The following CACNA2D1 variants were observed in gnomAD, a reference collection of about 807,000 sequenced individuals.
CACNA2D1 encodes the protein voltage-dependent calcium channel subunit alpha-2/delta-1.
A neutral mutation model predicts 171.5 loss-of-function variants in CACNA2D1; 53 were observed. The observed-to-expected ratio is 0.31, with a 90% CI of 0.25 to 0.39. CACNA2D1 has a LOEUF of 0.39. Ranked by LOEUF, CACNA2D1 falls within the 10% of genes least tolerant of loss-of-function variation. The probability of loss-of-function intolerance (pLI) is 1.00; values close to 1 mark genes in which losing one functional copy is unlikely to be tolerated. For synonymous variants in CACNA2D1, 442 were observed against 443.1 expected, an observed-to-expected ratio of 1.00 and a Z score of 0.03; for missense variants, 903 against 1,299.8, an observed-to-expected ratio of 0.69 and a Z score of 4.69.
intron 3 of CACNA2D1, among the ~76,000 whole-genome samples, chr7:82,205,821 TGA>T (rs1799951140): frequency 2.6e-5 from 4 of 152,306 alleles, no homozygotes; most frequent in Admixed American, 1.3e-4. Flanking sequence ...TGATACACTC[TGA>T]AATAATTCCC....
intron 3 of CACNA2D1, among the ~76,000 whole-genome samples, chr7:82,294,105 T>C (rs531874888): frequency 6.6e-6 from 1 of 152,298 alleles, no homozygotes; most frequent in Non-Finnish European, 1.5e-5. Flanking sequence ...TAAAGATAGA[T>C]ATGCTTGTTC....
chr7:81,964,128 G>C lies in CACNA2D1; in HGVS notation c.2728-20C>G. The C allele has an allele frequency of 6.2e-7, 1 of 1,611,462 alleles. No individual in the cohort carries two copies. Among genetic ancestry groups the C allele is most frequent in the Non-Finnish European group, 8.5e-7 (1 of 1,178,222 alleles). ...TGATGGCTATAAAATAAAATAATAA[G>C]GTCATTTCAGTAGTCTACTTGATAC... On this transcript the variant is annotated intron_variant, in intron 33 of 38. Transcript: ENST00000356860.
At chr7:82,405,326 T>C (rs779309228) in intron 1 of CACNA2D1, among the ~76,000 whole-genome samples, 13 of 152,212 alleles carry the variant, frequency 8.5e-5, no homozygotes, top group Non-Finnish European at 1.6e-4. Context: ...GGTCTTTTAC[T>C]AATAAAAGGA....
At chr7:82,191,294 A>G (rs149920289) in intron 3 of CACNA2D1, among the ~76,000 whole-genome samples, 171 of 151,942 alleles carry the variant, frequency 1.1e-3, no homozygotes, top group African/African-American at 3.9e-3. Context: ...TAATTCTAGC[A>G]TGCTTACTTA....
In CACNA2D1 at chr7:82,033,007, A is replaced by T. The variant is rs189565990; in HGVS notation, c.1039-106T>A. Reference sequence around the variant, plus strand: ...GAGCAGGTTGCAAGTAATTAATGAAATATCTGCTCACAAAATATATTCTAA... The same window carrying T: ...GAGCAGGTTGCAAGTAATTAATGAATTATCTGCTCACAAAATATATTCTAA... On this transcript the variant is annotated intron_variant, in intron 11 of 38. Coordinates refer to ENST00000356860, the MANE Select transcript of CACNA2D1 (RefSeq NM_000722.4). 9.2e-5 allele frequency: 64 copies of T among 696,918 alleles called. 1 individual carries two copies. Among genetic ancestry groups the T allele is most frequent in the Admixed American group, 4.0e-4 (20 of 49,694 alleles). The allele number at this position is 696,918 out of a possible 1,614,324, so 43.2% of individuals were successfully genotyped here. A position where few individuals can be genotyped will look rare whatever the true frequency, so the allele number is the denominator to read the frequency against.
chr7:82,437,158 A>G (rs1212784540), intron 1 of CACNA2D1, among the ~76,000 whole-genome samples: 1 of 152,162 alleles, frequency 6.6e-6, no homozygotes, highest in Non-Finnish European at 1.5e-5. Flanking sequence ...CTTAAGAGAA[A>G]CACATTTTAA....
chr7:82,375,840 T>C (rs766134691), intron 1 of CACNA2D1, among the ~76,000 whole-genome samples: 15 of 152,304 alleles, frequency 9.8e-5, no homozygotes, highest in Admixed American at 2.0e-4. Context: ...TTGAGGTCTC[T>C]AGGGTGAAAA....
At chr7:82,105,644 T>C (rs1787672557) in intron 6 of CACNA2D1, among the ~76,000 whole-genome samples, 1 of 152,124 alleles carries the variant, frequency 6.6e-6, no homozygotes, top group South Asian at 2.1e-4. Flanking sequence ...TGGGGACTTC[T>C]GCTCTATACT....
intron 6 of CACNA2D1, 60 bp downstream of exon 6, chr7:82,116,984 G>A (rs1789127516): frequency 2.5e-6 from 4 of 1,586,028 alleles, no homozygotes; most frequent in Non-Finnish European, 3.5e-6. Context: ...CTCAAACATG[G>A]GAAACATAAG....
chr7:81,968,652 A>G lies in CACNA2D1; in HGVS notation c.2395+235T>C, dbSNP rs569059046. ...AATTGATTCCATCAATTTGTGTCAG[A>G]GTATAAACATACACACTGTTTTGAA... On this transcript the variant is annotated intron_variant, in intron 29 of 38. Coordinates refer to ENST00000356860, the MANE Select transcript of CACNA2D1 (RefSeq NM_000722.4). Among the ~76,000 whole-genome samples the G allele has an allele frequency of 2.6e-5, 4 of 151,506 alleles. No individual in the cohort carries two copies. The East Asian group carries it at 7.8e-4, about 29-fold the overall frequency.
intron 1 of CACNA2D1, among the ~76,000 whole-genome samples, chr7:82,364,789 G>A (rs1479701737): frequency 1.3e-5 from 2 of 152,102 alleles, no homozygotes; most frequent in Non-Finnish European, 2.9e-5. Flanking sequence ...CATCCCAGCT[G>A]GTCTTGTTCC....
At chr7:82,192,194 G>A (rs936688204) in intron 3 of CACNA2D1, among the ~76,000 whole-genome samples, 1 of 151,438 alleles carries the variant, frequency 6.6e-6, no homozygotes, top group African/African-American at 2.4e-5. Flanking sequence ...ATGACTTTGT[G>A]TCCAAAAGTC....
At chr7:82,277,182 T>A (rs75477804) in intron 3 of CACNA2D1, among the ~76,000 whole-genome samples, 1 of 152,118 alleles carries the variant, frequency 6.6e-6, no homozygotes, top group Non-Finnish European at 1.5e-5. Context: ...CTAACTCTTA[T>A]TTGAATATTT....
intron 3 of CACNA2D1, among the ~76,000 whole-genome samples, chr7:82,171,926 A>T (rs1199968624): frequency 6.6e-6 from 1 of 152,084 alleles, no homozygotes; most frequent in East Asian, 1.9e-4. Flanking sequence ...TCCAGTCTAC[A>T]CTGGATAAAC....
At chr7:82,063,917 G>A (rs1209781942) in intron 9 of CACNA2D1, among the ~76,000 whole-genome samples, 12 of 150,600 alleles carry the variant, frequency 8.0e-5, no homozygotes, top group East Asian at 1.9e-4. Context: ...GGAATACAGC[G>A]GCAGGAACAT....
intron 10 of CACNA2D1, among the ~76,000 whole-genome samples, chr7:82,059,634 T>G (rs1806357405): frequency 6.6e-6 from 1 of 152,032 alleles, no homozygotes; most frequent in Non-Finnish European, 1.5e-5. Context: ...AGTCATTACT[T>G]CAATTACTTT....
In CACNA2D1 at chr7:82,159,298, C is replaced by A. The variant is rs3801731; in HGVS notation, c.354+11252G>T. 7.6e-4 allele frequency among the ~76,000 whole-genome samples: 115 copies of A among 151,852 alleles called. No individual in the cohort carries two copies. The East Asian group carries it at 0.021, about 28-fold the overall frequency. Reference sequence around the variant, plus strand: ...CAAACCATGACTTAATCCTTTTTACCCTAAGTCTTATCAACTGCTTGAATG... The same window carrying A: ...CAAACCATGACTTAATCCTTTTTACACTAAGTCTTATCAACTGCTTGAATG... On this transcript the variant is annotated intron_variant, in intron 4 of 38. Transcript: ENST00000356860.
At chr7:82,183,456 T>A (rs768006564) in intron 3 of CACNA2D1, among the ~76,000 whole-genome samples, 2 of 152,222 alleles carry the variant, frequency 1.3e-5, no homozygotes, top group Non-Finnish European at 2.9e-5. Flanking sequence ...ATTTGGTTTT[T>A]ATTTTTAGTT....
intron 3 of CACNA2D1, among the ~76,000 whole-genome samples, chr7:82,209,480 C>T (rs948345061): frequency 6.6e-6 from 1 of 152,092 alleles, no homozygotes; most frequent in East Asian, 1.9e-4. Flanking sequence ...ATAGGTGAAC[C>T]GAAGCCCCCA....
Sources: allele counts gnomAD v4.1 joint callset (sites outside exome capture counted in the v4.1 genomes callset), GRCh38; gene constraint gnomAD v4.1.1; transcripts MANE v1.5; gene names NCBI Gene and HGNC (gene_info 2026-07-23, HGNC 2026-07-21).